Variants in TADA3 observed in about 807,000 individuals in gnomAD.
TADA3 encodes the protein transcriptional adapter 3.
TADA3 carries 25 observed loss-of-function variants against 43.2 expected under a neutral mutation model. The observed-to-expected ratio is 0.58, with a 90% CI of 0.42 to 0.81. The LOEUF is 0.81. TADA3 is among the 30% of genes least tolerant of loss of function. TADA3 has a pLI of 0.00. For synonymous variants in TADA3, 235 were observed against 225.5 expected (o/e 1.04, Z -0.38); for missense variants, 441 against 567.8 (o/e 0.78, Z 2.27).
rs144467908 is a variant in TADA3 at position 9,789,572 on chromosome 3, G to A, written c.501C>T (p.Ser167=). ...ACTCCTCAAGTGTGCGGACCTCCTC[G>A]CTGGTGATGTCAGCACAGTAGGGCT... ...SVEPYCADIT[S]EEVRTLEELL... Residue 167 remains serine (S), a synonymous_variant, in exon 4 of 9, where the codon AGC becomes AGT. Transcript: ENST00000301964. 1.1e-5 allele frequency: 18 copies of A among 1,614,020 alleles called. No homozygotes were observed. The highest frequency in any genetic ancestry group is 9.3e-5 in the African/African-American group (7 of 74,902).
chr3:9,785,988 G>C (rs2078599196), intron 6 of TADA3, among the ~76,000 whole-genome samples: 1 of 151,894 alleles, frequency 6.6e-6, no homozygotes, highest in South Asian at 2.1e-4. Context: ...CCAGGCTGTG[G>C]AGTGCAGTGG....
At chr3:9,788,836 A>G (rs888343337) in intron 4 of TADA3, among the ~76,000 whole-genome samples, 16 of 147,370 alleles carry the variant, frequency 1.1e-4, no homozygotes, top group Admixed American at 4.1e-4. Flanking sequence ...TGACTTTTAT[A>G]TCTTTTTTTT....
intron 8 of TADA3, chr3:9,781,552 C>G (rs948647722): frequency 4.4e-6 from 2 of 456,564 alleles, no homozygotes; most frequent in African/African-American, 2.0e-5. Context: ...ACGTCGGCAT[C>G]TGCATTCCAG....
At chr3:9,786,255 G>A (rs2078607559) in intron 6 of TADA3, among the ~76,000 whole-genome samples, 1 of 152,118 alleles carries the variant, frequency 6.6e-6, no homozygotes, top group South Asian at 2.1e-4. Context: ...CTCTTATTCT[G>A]TGGGACTGGA....
rs1183974341 is a variant in TADA3 at position 9,787,214 on chromosome 3, C to T, written c.691G>A (p.Glu231Lys). 3.7e-5 allele frequency: 60 copies of T among 1,614,044 alleles called. No individual in the cohort carries two copies. Among genetic ancestry groups the T allele is most frequent in the Non-Finnish European group, 4.6e-5 (54 of 1,180,046 alleles). The change falls in exon 5 of 9, where the codon GAA (glutamate) becomes AAA (lysine). Residue 231 changes from glutamate to lysine, a missense_variant. By Grantham distance (56) the Glu-to-Lys change is moderately conservative. Coordinates refer to ENST00000301964, the MANE Select transcript of TADA3 (RefSeq NM_006354.5). The stretch of plus-strand genomic sequence containing the variant: ...AGAGGCCTACCTTTAGTGTCCAGTT[C>T]GGTCAGTGGCCCCATGAGGCCTTTC... ...KKKGLMGPLT[E>K]LDTKDVDALL...
chr3:9,789,269 G>T (rs573278571), intron 4 of TADA3, among the ~76,000 whole-genome samples: 1 of 152,318 alleles, frequency 6.6e-6, no homozygotes, highest in African/African-American at 2.4e-5. Flanking sequence ...AAAGGAACAT[G>T]GGCAGACTTC....
At chr3:9,785,503 C>A in intron 6 of TADA3, 78 bp from the exon 7 acceptor site, 2 of 926,852 alleles carry the variant, frequency 2.2e-6, no homozygotes, top group Non-Finnish European at 1.7e-6. Context: ...CACTGACAGT[C>A]TTCAAACACC....
rs530067635 is a variant in TADA3 at position 9,787,226 on chromosome 3, C to A, written c.679G>T (p.Gly227Trp). Reference protein sequence around the residue: ...AVADKKKGLMGPLTELDTKDV... With the variant: ...AVADKKKGLMWPLTELDTKDV... ...TTAGTGTCCAGTTCGGTCAGTGGCC[C>A]CATGAGGCCTTTCTTCTTGTCAGCC... is the stretch of plus-strand genomic sequence containing the variant. Residue 227 changes from glycine to tryptophan, a missense_variant, in exon 5 of 9, where the codon GGG (glycine) becomes TGG (tryptophan). Coordinates refer to ENST00000301964, the MANE Select transcript of TADA3 (RefSeq NM_006354.5). 56 of 1,614,074 alleles carry A rather than the reference C, an allele frequency of 3.5e-5. No individual in the cohort carries two copies. The highest frequency in any genetic ancestry group is 4.5e-5 in the Non-Finnish European group (53 of 1,180,040).
At chr3:9,787,364 C>A in intron 4 of TADA3, 24 bp from the exon 5 acceptor site, 3 of 1,591,444 alleles carry the variant, frequency 1.9e-6, no homozygotes, top group Non-Finnish European at 1.7e-6. Flanking sequence ...GGCACCCAAC[C>A]CTGAGTGGGT....
chr3:9,790,998 T>C (rs1008983386), intron 2 of TADA3, among the ~76,000 whole-genome samples: 1 of 152,238 alleles, frequency 6.6e-6, no homozygotes. Context: ...TACCTTTCTC[T>C]AATGACTAGC....
intron 4 of TADA3, chr3:9,787,590 T>C (rs2078645868): frequency 9.4e-7 from 1 of 1,061,510 alleles, no homozygotes; most frequent in Non-Finnish European, 1.3e-6. Flanking sequence ...AGATAGAAGG[T>C]GCAGAATACG....
In TADA3 at chr3:9,792,445, C is replaced by A. The variant is rs1201878288; in HGVS notation, c.-257G>T. On this transcript the variant is annotated 5_prime_UTR_variant, in exon 1 of 9. Coordinates refer to ENST00000301964, the MANE Select transcript of TADA3 (RefSeq NM_006354.5). ...GGCCGCGGGAGGGGGCGGGGAGTTC[C>A]GGTCGATGTGAGCAACCGCCCCGGA... 8.8e-7 allele frequency: 1 copy of A among 1,134,270 alleles called. No individual in the cohort carries two copies. The highest frequency in any genetic ancestry group is 1.1e-6 in the Non-Finnish European group (1 of 922,740). 70.3% of individuals were successfully genotyped at this position (1,134,270 alleles called of 1,614,324 possible).
At position 9,780,245 on chromosome 3, in the gene TADA3, T is replaced by G; in HGVS notation, c.*112A>C. ...GGAAGGGCCACGGCCCTCTAGAGACTGCCGCCATTTGAGGGACAGCCACAG... is the reference window on the plus strand; with the variant it reads ...GGAAGGGCCACGGCCCTCTAGAGACGGCCGCCATTTGAGGGACAGCCACAG... On this transcript the variant is annotated 3_prime_UTR_variant, in exon 9 of 9. Transcript: ENST00000301964. The G allele has an allele frequency of 8.5e-7, 1 of 1,177,100 alleles. No individual in the cohort carries two copies. The highest frequency in any genetic ancestry group is 2.7e-4 in the Middle Eastern group (1 of 3,730). 72.9% of individuals were successfully genotyped at this position (1,177,100 alleles called of 1,614,324 possible).
At chr3:9,781,308 CACAA>C (rs962883029) in intron 8 of TADA3, among the ~76,000 whole-genome samples, 4 of 151,954 alleles carry the variant, frequency 2.6e-5, no homozygotes, top group African/African-American at 9.7e-5. Flanking sequence ...CATACACACA[CACAA>C]ACACACACAC....
chr3:9,788,435 C>T (rs1489394077), intron 4 of TADA3, among the ~76,000 whole-genome samples: 8 of 151,658 alleles, frequency 5.3e-5, no homozygotes, highest in African/African-American at 9.7e-5. Flanking sequence ...TTAGTAGAGA[C>T]GGGGTTTCAC....
upstream of TADA3, chr3:9,792,656 G>C: frequency 3.2e-6 from 4 of 1,231,426 alleles, no homozygotes; most frequent in Non-Finnish European, 4.1e-6. Context: ...GAGCTTGGCG[G>C]CCGAGATCTC....
Position 9,791,490 on chromosome 3 carries a change from G to A in TADA3, c.-24C>T, listed in dbSNP as rs2125629192. 1 of 1,578,262 alleles carries A rather than the reference G, an allele frequency of 6.3e-7. No individual in the cohort carries two copies. The highest frequency in any genetic ancestry group is 8.7e-7 in the Non-Finnish European group (1 of 1,155,034). ...ATGGCCCAGGATATGGGGATCCTGT[G>A]GAGCTGGAGAGGACAGGGCCATTGA... On this transcript the variant is annotated 5_prime_UTR_variant, in exon 2 of 9. Coordinates refer to ENST00000301964, the MANE Select transcript of TADA3 (RefSeq NM_006354.5).
chr3:9,791,520 A>G, intron 1 of TADA3, 27 bp from the exon 2 acceptor site: 2 of 1,432,508 alleles, frequency 1.4e-6, no homozygotes, highest in South Asian at 2.6e-5. Context: ...CATTGATGGG[A>G]GACAAAGTGG....
upstream of TADA3, chr3:9,792,620 C>T (rs2078766327): frequency 4.1e-6 from 5 of 1,230,536 alleles, no homozygotes; most frequent in Non-Finnish European, 5.1e-6. Context: ...AGGCGAGCCC[C>T]GGGGCACAGC....
Sources: gnomAD v4.1 joint callset for allele counts (sites outside exome capture counted in the v4.1 genomes callset) on GRCh38, gnomAD v4.1.1 for gene constraint, MANE v1.5 for transcripts, NCBI Gene and HGNC (gene_info 2026-07-23, HGNC 2026-07-21) for gene names.